Variants in BNC2 observed in about 807,000 individuals in gnomAD.
BNC2 encodes the protein basonuclin zinc finger protein 2, also known as zinc finger protein basonuclin-2.
Under a neutral mutation model 76.3 loss-of-function variants are expected in BNC2, and 20 were observed. That is an observed-to-expected ratio of 0.26 (90% CI 0.18 to 0.38). BNC2 has a LOEUF of 0.38. Among genes scored for constraint, BNC2 ranks in the 10% least tolerant of loss-of-function variants. The pLI is 1.00. For synonymous variants in BNC2, 582 were observed against 514.8 expected (o/e 1.13, Z -1.77); for missense variants, 1,382 against 1,399.8 (o/e 0.99, Z 0.20).
chr9:16,546,980 A>C (rs1485094714), intron 5 of BNC2, among the ~76,000 whole-genome samples: 1 of 152,230 alleles, frequency 6.6e-6, no homozygotes, highest in Non-Finnish European at 1.5e-5. Context: ...AGCGAGTTAC[A>C]GTGATGAATA....
chr9:16,814,355 G>T (rs992419649), intron 1 of BNC2, among the ~76,000 whole-genome samples: 1 of 152,174 alleles, frequency 6.6e-6, no homozygotes, highest in Non-Finnish European at 1.5e-5. Context: ...TAGATATATA[G>T]ATATGTTTAG....
chr9:16,706,182 C>T (rs759975579), intron 3 of BNC2, among the ~76,000 whole-genome samples: 2 of 152,166 alleles, frequency 1.3e-5, no homozygotes, highest in Non-Finnish European at 2.9e-5. Flanking sequence ...CATAGTTTTG[C>T]ACCCCAAAAT....
chr9:16,548,198 C>T (rs1034306593), intron 5 of BNC2, among the ~76,000 whole-genome samples: 6 of 152,094 alleles, frequency 3.9e-5, no homozygotes, highest in South Asian at 2.1e-4. Flanking sequence ...GTCAGTTATA[C>T]GTTCAAACTG....
Position 16,417,068 on chromosome 9 carries a change from A to G in BNC2, c.*1921T>C, listed in dbSNP as rs991433275. On this transcript the variant is annotated 3_prime_UTR_variant, in exon 7 of 7. Transcript: ENST00000380672. ...GCCATTAAATGCAAAAAAGAAATAC[A>G]TTCTCTTTAAATTATTGTGTACTGT... 5.9e-5 allele frequency: 9 copies of G among 152,420 alleles called. No individual in the cohort carries two copies. The highest frequency in any genetic ancestry group is 1.3e-4 in the Non-Finnish European group (9 of 68,014). The allele number at this position is 152,420 out of a possible 1,614,324, so 9.4% of individuals were successfully genotyped here. A position where few individuals can be genotyped will look rare whatever the true frequency, so the allele number is the denominator to read the frequency against.
At chr9:16,437,884 T>G (rs765012709) in intron 5 of BNC2, among the ~76,000 whole-genome samples, 29 of 152,230 alleles carry the variant, frequency 1.9e-4, no homozygotes, top group Admixed American at 6.5e-4. Flanking sequence ...GAACTCTTGC[T>G]GTGAAATCCA....
chr9:16,793,782 C>T (rs1156779095), intron 1 of BNC2, among the ~76,000 whole-genome samples: 2 of 149,748 alleles, frequency 1.3e-5, no homozygotes, highest in Non-Finnish European at 3.0e-5. Context: ...TCTCCTGCCT[C>T]AGCCTCCCGA....
intron 1 of BNC2, among the ~76,000 whole-genome samples, chr9:16,780,927 A>C (rs1336474613): frequency 6.6e-6 from 1 of 152,130 alleles, no homozygotes; most frequent in Non-Finnish European, 1.5e-5. Flanking sequence ...TTAATAACAG[A>C]TCTATTCCAA....
chr9:16,774,797 G>A (rs939335926), intron 1 of BNC2, among the ~76,000 whole-genome samples: 1 of 152,128 alleles, frequency 6.6e-6, no homozygotes, highest in African/African-American at 2.4e-5. Context: ...CCTGTTTTGG[G>A]CTGAACAACC....
intron 3 of BNC2, among the ~76,000 whole-genome samples, chr9:16,689,108 A>T (rs1823067480): frequency 8.9e-6 from 1 of 111,898 alleles, no homozygotes; most frequent in Non-Finnish European, 2.2e-5. Flanking sequence ...CAGGCTTCCT[A>T]CACACATAAC....
chr9:16,679,236 C>T (rs1822750699), intron 3 of BNC2, among the ~76,000 whole-genome samples: 2 of 152,156 alleles, frequency 1.3e-5, no homozygotes, highest in Admixed American at 1.3e-4. Flanking sequence ...ATCCTCTCTA[C>T]CTACCCATAA....
chr9:16,719,322 T>C (rs1301492235), intron 3 of BNC2, among the ~76,000 whole-genome samples: 1 of 152,198 alleles, frequency 6.6e-6, no homozygotes, highest in Non-Finnish European at 1.5e-5. Context: ...GAAATTCTTC[T>C]TGATTTAAAT....
chr9:16,688,264 T>C (rs774930127), intron 3 of BNC2, among the ~76,000 whole-genome samples: 14 of 152,176 alleles, frequency 9.2e-5, no homozygotes, highest in African/African-American at 3.4e-4. Context: ...CTAAGGAAGA[T>C]ACAAAAGAGA....
chr9:16,431,426 C>T (rs893603973), intron 6 of BNC2: 6 of 468,764 alleles, frequency 1.3e-5, no homozygotes, highest in Admixed American at 9.4e-5. Context: ...CTATCACGCT[C>T]TCTTCAAGAG....
chr9:16,790,290 C>T (rs1416500337), intron 1 of BNC2, among the ~76,000 whole-genome samples: 1 of 152,204 alleles, frequency 6.6e-6, no homozygotes, highest in Non-Finnish European at 1.5e-5. Context: ...AGCCACAGTG[C>T]CTGGCCATGA....
At chr9:16,592,476 A>G (rs1329272096) in intron 3 of BNC2, among the ~76,000 whole-genome samples, 1 of 152,216 alleles carries the variant, frequency 6.6e-6, no homozygotes, top group Non-Finnish European at 1.5e-5. Context: ...TGAAATGTTC[A>G]GAAGAGGGAA....
intron 5 of BNC2, among the ~76,000 whole-genome samples, chr9:16,539,768 A>AAAGGAAAGGAAAG (rs1563831014): frequency 6.1e-4 from 36 of 58,966 alleles, no homozygotes; most frequent in Non-Finnish European, 7.0e-4. Context: ...GGAAAGGAAA[A>AAAGGAAAGGAAAG]GAAAGGAAAG....
At chr9:16,648,538 G>C (rs375630916) in intron 3 of BNC2, among the ~76,000 whole-genome samples, 4 of 152,194 alleles carry the variant, frequency 2.6e-5, no homozygotes, top group Non-Finnish European at 2.9e-5. Flanking sequence ...CCTGGGAGAG[G>C]TGTCACAAGA....
chr9:16,614,439 A>C (rs1269402322), intron 3 of BNC2, among the ~76,000 whole-genome samples: 1 of 142,604 alleles, frequency 7.0e-6, no homozygotes, highest in African/African-American at 2.6e-5. Flanking sequence ...AAGCCAACAA[A>C]ACCACTTGGA....
At chr9:16,717,076 T>C (rs1047703007) in intron 3 of BNC2, among the ~76,000 whole-genome samples, 13 of 152,226 alleles carry the variant, frequency 8.5e-5, no homozygotes, top group African/African-American at 3.1e-4. Flanking sequence ...GTATTTCTTA[T>C]GGGAAACATT....
Sources: allele counts gnomAD v4.1 joint callset (sites outside exome capture counted in the v4.1 genomes callset), GRCh38; gene constraint gnomAD v4.1.1; transcripts MANE v1.5; gene names NCBI Gene and HGNC (gene_info 2026-07-23, HGNC 2026-07-21).